The following CSMD1 variants were observed in gnomAD, a reference collection of about 807,000 sequenced individuals.
The protein encoded by CSMD1 is CUB and sushi domain-containing protein 1.
A neutral mutation model predicts 417.5 loss-of-function variants in CSMD1; 213 were observed. That is an observed-to-expected ratio of 0.51 (90% CI 0.46 to 0.57). The LOEUF is 0.57. CSMD1 is among the 20% of genes least tolerant of loss of function. The pLI, the probability that CSMD1 is intolerant of heterozygous loss-of-function variation, is 0.00. For synonymous variants in CSMD1, 2,862 were observed against 1,736.8 expected (o/e 1.65, Z -16.11); for missense variants, 6,923 against 4,529.7 (o/e 1.53, Z -15.17).
Position 4,675,835 on chromosome 8 carries a change from A to T in CSMD1, c.86-38277T>A, listed in dbSNP as rs557594822. On this transcript the variant is annotated intron_variant, in intron 1 of 69. Coordinates refer to ENST00000635120, the MANE Select transcript of CSMD1 (RefSeq NM_033225.6). ...GAAAGCCAAAGGTACTCTAATCATC[A>T]CATTTATGCAGTGTAGTAAGGTGCC... 5.9e-4 allele frequency among the ~76,000 whole-genome samples: 90 copies of T among 152,300 alleles called. 2 individuals carry two copies. In the Middle Eastern group the frequency reaches 0.024, roughly 40 times the overall value.
At chr8:4,152,626 G>C (rs1050286140) in intron 3 of CSMD1, among the ~76,000 whole-genome samples, 1 of 152,000 alleles carries the variant, frequency 6.6e-6, no homozygotes, top group Non-Finnish European at 1.5e-5. Context: ...GGAGGTCAAG[G>C]CTGCAATGAG....
At chr8:4,343,447 G>A (rs1366058725) in intron 3 of CSMD1, among the ~76,000 whole-genome samples, 1 of 152,046 alleles carries the variant, frequency 6.6e-6, no homozygotes, top group Non-Finnish European at 1.5e-5. Context: ...CACTATGTGT[G>A]GTGATGAATA....
intron 5 of CSMD1, among the ~76,000 whole-genome samples, chr8:3,837,309 G>C (rs1250305158): frequency 6.6e-6 from 1 of 152,144 alleles, no homozygotes; most frequent in Admixed American, 6.6e-5. Context: ...AAGAAAATTA[G>C]ATTGCAACTA....
At chr8:4,413,175 C>G (rs566854181) in intron 3 of CSMD1, among the ~76,000 whole-genome samples, 2 of 152,254 alleles carry the variant, frequency 1.3e-5, no homozygotes, top group Admixed American at 6.5e-5. Flanking sequence ...AGAGTTAACA[C>G]CTTAAATTCA....
chr8:4,887,354 T>C (rs1371070747), intron 1 of CSMD1, among the ~76,000 whole-genome samples: 1 of 152,086 alleles, frequency 6.6e-6, no homozygotes, highest in South Asian at 2.1e-4. Flanking sequence ...TCAATCCGTT[T>C]AAATGTATTA....
chr8:4,820,081 G>C (rs529212186), intron 1 of CSMD1, among the ~76,000 whole-genome samples: 1 of 152,046 alleles, frequency 6.6e-6, no homozygotes, highest in Non-Finnish European at 1.5e-5. Flanking sequence ...TTGTACCTCT[G>C]GTCCAAGAAA....
chr8:3,328,076 G>C (rs961955628), intron 23 of CSMD1, among the ~76,000 whole-genome samples: 1 of 152,168 alleles, frequency 6.6e-6, no homozygotes, highest in Non-Finnish European at 1.5e-5. Context: ...CGCTTTCTGA[G>C]ACTCACAATG....
intron 3 of CSMD1, among the ~76,000 whole-genome samples, chr8:4,169,901 G>T (rs993594898): frequency 2.7e-5 from 4 of 149,680 alleles, no homozygotes; most frequent in African/African-American, 7.7e-5. Context: ...ATGAGTACCT[G>T]TTTCCACTAT....
At chr8:4,532,851 T>C (rs1452973224) in intron 2 of CSMD1, among the ~76,000 whole-genome samples, 12 of 103,670 alleles carry the variant, frequency 1.2e-4, no homozygotes, top group African/African-American at 3.1e-4. Flanking sequence ...AAAAGAAATG[T>C]TGCACCCCCA....
intron 1 of CSMD1, among the ~76,000 whole-genome samples, chr8:4,938,036 A>T (rs1318487657): frequency 1.3e-5 from 2 of 152,176 alleles, no homozygotes; most frequent in African/African-American, 4.8e-5. Context: ...AATAGTTAGA[A>T]TAATATTACA....
intron 5 of CSMD1, among the ~76,000 whole-genome samples, chr8:3,862,126 G>T (rs532843570): frequency 5.0e-4 from 76 of 151,950 alleles, no homozygotes; most frequent in African/African-American, 1.8e-3. Context: ...TTTTTAATCT[G>T]CCCTGCTGTG....
chr8:3,024,299 G>A (rs370916256), intron 51 of CSMD1, among the ~76,000 whole-genome samples: 1 of 149,260 alleles, frequency 6.7e-6, no homozygotes, highest in Non-Finnish European at 1.5e-5. Context: ...TTTTTTTTGG[G>A]GGGGGAGGGC....
chr8:4,919,269 A>G (rs951471851), intron 1 of CSMD1, among the ~76,000 whole-genome samples: 3 of 152,222 alleles, frequency 2.0e-5, no homozygotes, highest in Non-Finnish European at 4.4e-5. Context: ...AGGGAAAAAG[A>G]AGAGTTCTGT....
At chr8:4,703,875 T>C (rs1418141733) in intron 1 of CSMD1, among the ~76,000 whole-genome samples, 1 of 152,016 alleles carries the variant, frequency 6.6e-6, no homozygotes, top group Non-Finnish European at 1.5e-5. Flanking sequence ...GACAGCAGGG[T>C]TGGGGGACGG....
At chr8:3,508,712 G>C (rs867877325) in intron 10 of CSMD1, among the ~76,000 whole-genome samples, 2 of 152,004 alleles carry the variant, frequency 1.3e-5, no homozygotes, top group Admixed American at 1.3e-4. Context: ...TTTATGTCAT[G>C]AATATTTTAA....
At chr8:3,254,531 T>A (rs886235571) in intron 26 of CSMD1, among the ~76,000 whole-genome samples, 1 of 152,202 alleles carries the variant, frequency 6.6e-6, no homozygotes, top group Non-Finnish European at 1.5e-5. Flanking sequence ...GTAGATTTGG[T>A]CTTTTCACAT....
intron 2 of CSMD1, among the ~76,000 whole-genome samples, chr8:4,480,958 C>G (rs1725120): frequency 0.015 from 2,239 of 152,276 alleles, 47 homozygotes; most frequent in African/African-American, 0.049. Context: ...TATTAACAGT[C>G]TTCCCCAGGT....
intron 1 of CSMD1, among the ~76,000 whole-genome samples, chr8:4,725,510 C>T (rs1452096323): frequency 1.3e-5 from 2 of 152,140 alleles, no homozygotes; most frequent in Non-Finnish European, 2.9e-5. Flanking sequence ...GGGCATATCG[C>T]ACAGAGATTT....
rs1391527852 is a variant in CSMD1 at position 4,456,980 on chromosome 8, T to TC, written c.303-36916_303-36915insG. The stretch of plus-strand genomic sequence containing the variant: ...CAAGAGATTTTGATGAGTGTGGTTT[T>TC]TTTTTAAAAAAAAAAAAAACAACAA... On this transcript the variant is annotated intron_variant, in intron 2 of 69. Coordinates refer to ENST00000635120, the MANE Select transcript of CSMD1 (RefSeq NM_033225.6). Among the ~76,000 whole-genome samples the TC allele has an allele frequency of 3.8e-5, 4 of 106,540 alleles. No individual in the cohort carries two copies. The East Asian group carries it at 1.2e-3, about 31-fold the overall frequency. 69.9% of individuals were successfully genotyped at this position (106,540 alleles called of 152,430 possible).
Sources: allele counts gnomAD v4.1 joint callset (sites outside exome capture counted in the v4.1 genomes callset), GRCh38; gene constraint gnomAD v4.1.1; transcripts MANE v1.5; gene names NCBI Gene and HGNC (gene_info 2026-07-23, HGNC 2026-07-21).